TMEM132C: variants seen among roughly 807,000 people sequenced by gnomAD.
TMEM132C encodes the protein transmembrane protein 132C.
TMEM132C carries 29 observed loss-of-function variants against 61.4 expected under a neutral mutation model. The observed-to-expected ratio is 0.47, with a 90% CI of 0.35 to 0.64. The LOEUF (loss-of-function observed/expected upper bound fraction) is 0.64, where lower values mean the gene tolerates loss of function less well. Among genes scored for constraint, TMEM132C ranks in the 30% least tolerant of loss-of-function variants. TMEM132C has a pLI of 0.00. For missense variants in TMEM132C, 1,408 were observed against 1,476.9 expected (o/e 0.95, Z 0.76); for synonymous variants, 656 against 633.1 (o/e 1.04, Z -0.54).
At chr12:128,646,650 C>G (rs1348741146) in intron 4 of TMEM132C, among the ~76,000 whole-genome samples, 1 of 149,822 alleles carries the variant, frequency 6.7e-6, no homozygotes, top group Admixed American at 6.7e-5. Flanking sequence ...TTAGCTCAGT[C>G]CATCAGCGTT....
chr12:128,528,049 A>G (rs1873152084), intron 2 of TMEM132C, among the ~76,000 whole-genome samples: 1 of 152,212 alleles, frequency 6.6e-6, no homozygotes, highest in East Asian at 1.9e-4. Flanking sequence ...GATACTGGCA[A>G]TATTAATGAG....
chr12:128,502,207 G>T (rs1872204324), intron 2 of TMEM132C, among the ~76,000 whole-genome samples: 1 of 152,206 alleles, frequency 6.6e-6, no homozygotes, highest in Admixed American at 6.5e-5. Flanking sequence ...AGTGACAGAG[G>T]CTGCCCTGCT....
intron 2 of TMEM132C, among the ~76,000 whole-genome samples, chr12:128,468,309 C>A (rs568570569): frequency 2.0e-5 from 3 of 150,248 alleles, no homozygotes; most frequent in African/African-American, 5.0e-5. Flanking sequence ...GGGAAGGGAC[C>A]AAATTTACTT....
intron 2 of TMEM132C, among the ~76,000 whole-genome samples, chr12:128,461,453 A>G (rs1430496751): frequency 6.6e-6 from 1 of 152,064 alleles, no homozygotes; most frequent in Non-Finnish European, 1.5e-5. Context: ...AACAAAACAA[A>G]CAAAAAGAAA....
intron 3 of TMEM132C, among the ~76,000 whole-genome samples, chr12:128,599,682 A>G (rs1876100383): frequency 2.0e-5 from 3 of 152,250 alleles, no homozygotes; most frequent in Admixed American, 1.3e-4. Flanking sequence ...TTAAAAAGCA[A>G]GAGTGTTCTT....
chr12:128,643,432 T>C (rs968054224), intron 4 of TMEM132C, among the ~76,000 whole-genome samples: 2 of 151,876 alleles, frequency 1.3e-5, no homozygotes, highest in African/African-American at 2.4e-5. Context: ...TCGTTAACAA[T>C]TGAGGAGGTA....
chr12:128,413,951 T>C (rs958902959), intron 1 of TMEM132C, among the ~76,000 whole-genome samples: 2 of 152,256 alleles, frequency 1.3e-5, no homozygotes, highest in Non-Finnish European at 2.9e-5. Flanking sequence ...AATTCATCCA[T>C]GTTTTCTTTA....
At chr12:128,475,607 A>T (rs1871130809) in intron 2 of TMEM132C, among the ~76,000 whole-genome samples, 1 of 152,230 alleles carries the variant, frequency 6.6e-6, no homozygotes, top group East Asian at 1.9e-4. Context: ...ACTGAAGACC[A>T]CTTTATTCAG....
chr12:128,627,841 C>T (rs1727197730), intron 4 of TMEM132C, among the ~76,000 whole-genome samples: 1 of 152,172 alleles, frequency 6.6e-6, no homozygotes, highest in Non-Finnish European at 1.5e-5. Context: ...TGGTCAGTGC[C>T]ATGAAAAGGA....
intron 2 of TMEM132C, among the ~76,000 whole-genome samples, chr12:128,499,541 T>C (rs1017316594): frequency 3.9e-5 from 6 of 152,174 alleles, no homozygotes; most frequent in Non-Finnish European, 7.3e-5. Flanking sequence ...CCATTAACCC[T>C]CTCCCGACTA....
At chr12:128,573,615 T>A (rs1196571662) in intron 3 of TMEM132C, among the ~76,000 whole-genome samples, 1 of 151,444 alleles carries the variant, frequency 6.6e-6, no homozygotes, top group Non-Finnish European at 1.5e-5. Flanking sequence ...TTTTTAAAAA[T>A]TTTAAAAAAG....
intron 4 of TMEM132C, among the ~76,000 whole-genome samples, chr12:128,652,353 G>A (rs1954280127): frequency 6.6e-6 from 1 of 152,218 alleles, no homozygotes; most frequent in Admixed American, 6.5e-5. Context: ...GGACACGTCA[G>A]CCCCACAACA....
chr12:128,284,096 TGA>T (rs1178324121), intron 1 of TMEM132C, among the ~76,000 whole-genome samples: 2 of 152,198 alleles, frequency 1.3e-5, no homozygotes, highest in Admixed American at 6.5e-5. Flanking sequence ...GGGTGGTGAA[TGA>T]GCACGTTGAC....
intron 2 of TMEM132C, among the ~76,000 whole-genome samples, chr12:128,418,969 T>C (rs890856360): frequency 6.6e-6 from 1 of 152,174 alleles, no homozygotes; most frequent in Non-Finnish European, 1.5e-5. Context: ...CGCAGGCCCC[T>C]AGATACGTTG....
intron 5 of TMEM132C, among the ~76,000 whole-genome samples, chr12:128,681,234 C>T (rs1954631908): frequency 6.6e-6 from 1 of 152,160 alleles, no homozygotes; most frequent in Admixed American, 6.5e-5. Flanking sequence ...CACACCTTGG[C>T]CTCCCAAAGT....
chr12:128,683,970 T>TTAAA (rs5741714), intron 5 of TMEM132C, among the ~76,000 whole-genome samples: 39,896 of 146,922 alleles, frequency 0.27, 5,604 homozygotes, highest in South Asian at 0.32. Context: ...CTGTTTGAAA[T>TTAAA]TAAATAAATA....
intron 1 of TMEM132C, among the ~76,000 whole-genome samples, chr12:128,345,292 T>C (rs896758608): frequency 9.2e-5 from 14 of 152,232 alleles, no homozygotes; most frequent in African/African-American, 3.4e-4. Flanking sequence ...ACATTTTCTT[T>C]ATCCAGTCTA....
intron 1 of TMEM132C, among the ~76,000 whole-genome samples, chr12:128,356,439 C>A (rs1873507776): frequency 6.6e-6 from 1 of 152,184 alleles, no homozygotes; most frequent in Admixed American, 6.5e-5. Context: ...TGTATACCCA[C>A]CTGCAGAAAC....
chr12:128,478,644 A>C (rs1871231337), intron 2 of TMEM132C, among the ~76,000 whole-genome samples: 1 of 152,204 alleles, frequency 6.6e-6, no homozygotes. Flanking sequence ...CTTATAGCTC[A>C]CTGAAAGGTG....
Sources: gnomAD v4.1 joint callset for allele counts (sites outside exome capture counted in the v4.1 genomes callset) on GRCh38, gnomAD v4.1.1 for gene constraint, MANE v1.5 for transcripts, NCBI Gene and HGNC (gene_info 2026-07-23, HGNC 2026-07-21) for gene names.